The following TANK variants were observed in gnomAD, a reference collection of about 807,000 sequenced individuals.
TANK encodes the protein TRAF family member-associated NF-kappa-B activator.
In TANK, 15 loss-of-function variants were observed where a neutral mutation model predicts 43.6. The observed-to-expected ratio is 0.34, with a 90% confidence interval of 0.23 to 0.53. TANK has a LOEUF of 0.53. Ranked by LOEUF, TANK falls within the 20% of genes least tolerant of loss-of-function variation. TANK has a pLI of 0.94. For synonymous variants in TANK, 162 were observed against 178.2 expected (o/e 0.91, Z 0.73); for missense variants, 417 against 498.6 (o/e 0.84, Z 1.56).
chr2:161,146,235 C>T (rs1480747346), intron 1 of TANK, among the ~76,000 whole-genome samples: 2 of 152,134 alleles, frequency 1.3e-5, no homozygotes, highest in Non-Finnish European at 2.9e-5. Context: ...AGCCTTTTAT[C>T]AAGCTTCTTA....
intron 1 of TANK, among the ~76,000 whole-genome samples, chr2:161,168,060 T>A (rs1376421776): frequency 6.6e-6 from 1 of 152,190 alleles, no homozygotes; most frequent in Non-Finnish European, 1.5e-5. Context: ...TGAGTTTTGG[T>A]ATCTAACGTA....
At chr2:161,179,989 T>C in intron 2 of TANK, 2 of 1,199,176 alleles carry the variant, frequency 1.7e-6, no homozygotes, top group Non-Finnish European at 1.0e-6. Context: ...TTCAGGTGAT[T>C]GTGAAAGATT....
chr2:161,143,657 G>A (rs970356291), intron 1 of TANK, among the ~76,000 whole-genome samples: 1 of 152,108 alleles, frequency 6.6e-6, no homozygotes, highest in South Asian at 2.1e-4. Context: ...GCGTCCCAGG[G>A]ATGAAGCTGA....
In TANK at chr2:161,203,268, G is replaced by C. The variant is rs375503069; in HGVS notation, c.100-219G>C. 3.9e-5 allele frequency among the ~76,000 whole-genome samples: 6 copies of C among 152,056 alleles called. No homozygotes were observed. In the South Asian group the frequency reaches 8.3e-4, roughly 21 times the overall value. On this transcript the variant is annotated intron_variant, in intron 2 of 7. Coordinates refer to ENST00000392749, the MANE Select transcript of TANK (RefSeq NM_001199135.3). Reference sequence around the variant, plus strand: ...CCTTGACTGAAATGTCTTTAAATAAGTTAATCTTTAAAACTTCTGCGGTGC... The same window carrying C: ...CCTTGACTGAAATGTCTTTAAATAACTTAATCTTTAAAACTTCTGCGGTGC...
At chr2:161,227,588 A>G (rs1263051778) in intron 6 of TANK, among the ~76,000 whole-genome samples, 4 of 152,218 alleles carry the variant, frequency 2.6e-5, no homozygotes, top group Admixed American at 2.6e-4. Context: ...ATTAATGTAC[A>G]TACAATTATT....
intron 4 of TANK, among the ~76,000 whole-genome samples, chr2:161,215,387 TAATC>T (rs1687073501): frequency 6.6e-6 from 1 of 152,210 alleles, no homozygotes; most frequent in Admixed American, 6.5e-5. Context: ...ATACATTGGA[TAATC>T]AATTGTCTTA....
chr2:161,204,747 C>A lies in TANK; in HGVS notation c.281C>A (p.Pro94Gln), dbSNP rs201748882. ...AAGAATAATTTGACTCTTGATCAGC[C>A]ACAAGATAAAGTGATTTCAGGAATA... ...TRKNNLTLDQ[P>Q]QDKVISGIAR... is the part of the protein sequence containing the mutation. The change falls in exon 4 of 8, where the codon CCA (proline) becomes CAA (glutamine). Residue 94 changes from proline (P) to glutamine (Q), a missense_variant. Physicochemically the swap from Pro to Gln is moderately conservative, Grantham distance 76 (BLOSUM62 -1). Coordinates refer to ENST00000392749, the MANE Select transcript of TANK (RefSeq NM_001199135.3). The A allele has an allele frequency of 8.6e-5, 138 of 1,606,160 alleles. No homozygotes were observed. Among genetic ancestry groups the A allele is most frequent in the Non-Finnish European group, 1.1e-4 (128 of 1,177,358 alleles).
chr2:161,203,549 T>C lies in TANK; in HGVS notation c.162T>C (p.Ile54=), dbSNP rs765356045. The part of the protein sequence containing the change: ...QQEQLSLQQT[I]IDKLKSQLLL... ...AACAGCTGTCACTTCAACAGACTATTATTGACAAGCTAAAATCTCAGTTAC... is the reference window on the plus strand; with the variant it reads ...AACAGCTGTCACTTCAACAGACTATCATTGACAAGCTAAAATCTCAGTTAC... The change falls in exon 3 of 8, where the codon ATT becomes ATC. Residue 54 remains isoleucine (I), a synonymous_variant. Transcript: ENST00000392749. 1.2e-6 allele frequency: 2 copies of C among 1,612,362 alleles called. No homozygotes were observed. The highest frequency in any genetic ancestry group is 1.1e-5 in the South Asian group (1 of 90,830).
intron 2 of TANK, among the ~76,000 whole-genome samples, chr2:161,189,999 A>T (rs1044649072): frequency 2.0e-5 from 3 of 152,240 alleles, no homozygotes; most frequent in African/African-American, 7.2e-5. Flanking sequence ...CGTCAAAATT[A>T]AAACTTTTGT....
intron 2 of TANK, among the ~76,000 whole-genome samples, chr2:161,196,764 G>A (rs1387290699): frequency 6.6e-6 from 1 of 152,136 alleles, no homozygotes; most frequent in African/African-American, 2.4e-5. Context: ...ACTGAGGCAG[G>A]AGAATCACTT....
upstream of TANK, chr2:161,159,183 T>A (rs1365017413): frequency 6.6e-6 from 1 of 152,202 alleles, no homozygotes; most frequent in African/African-American, 2.4e-5. Flanking sequence ...CCAGCAATCA[T>A]ACTACTTGGT....
At chr2:161,206,225 C>T (rs1223508204) in intron 4 of TANK, among the ~76,000 whole-genome samples, 1 of 151,902 alleles carries the variant, frequency 6.6e-6, no homozygotes, top group Non-Finnish European at 1.5e-5. Context: ...TTATATTGTT[C>T]TCCATGTTTT....
At chr2:161,139,929 A>G in intron 1 of TANK, 1 of 974,592 alleles carries the variant, frequency 1.0e-6, no homozygotes. Context: ...GATTAATCTT[A>G]TATCCAACTT....
intron 1 of TANK, among the ~76,000 whole-genome samples, chr2:161,179,116 A>G (rs1238911985): frequency 6.6e-6 from 1 of 152,146 alleles, no homozygotes; most frequent in Non-Finnish European, 1.5e-5. Context: ...TAAAATAAGA[A>G]CATTTTCACA....
intron 4 of TANK, among the ~76,000 whole-genome samples, chr2:161,216,653 T>A (rs892157911): frequency 1.9e-4 from 29 of 151,752 alleles, no homozygotes; most frequent in African/African-American, 7.0e-4. Context: ...AGGAAAGGCC[T>A]AACCTCAGTT....
At chr2:161,188,644 A>G (rs10181745) in intron 2 of TANK, among the ~76,000 whole-genome samples, 4,900 of 152,298 alleles carry the variant, frequency 0.032, 235 homozygotes, top group African/African-American at 0.11. Context: ...AAAAACTTGA[A>G]CAGTATGTAA....
At chr2:161,225,208 GGA>G (rs1687551011) in intron 6 of TANK, among the ~76,000 whole-genome samples, 1 of 151,976 alleles carries the variant, frequency 6.6e-6, no homozygotes, top group Non-Finnish European at 1.5e-5. Flanking sequence ...CATACACTAT[GGA>G]TAGATGTTTT....
intron 1 of TANK, among the ~76,000 whole-genome samples, chr2:161,145,016 T>A (rs540504667): frequency 1.3e-5 from 2 of 152,232 alleles, no homozygotes; most frequent in African/African-American, 4.8e-5. Context: ...GATGGTTAGC[T>A]CTTCTTGTTG....
At chr2:161,216,835 AC>A (rs1687139799) in intron 4 of TANK, among the ~76,000 whole-genome samples, 1 of 152,228 alleles carries the variant, frequency 6.6e-6, no homozygotes, top group Non-Finnish European at 1.5e-5. Flanking sequence ...ATTCTAGGTC[AC>A]TTGGGAGAAC....
Sources: allele counts gnomAD v4.1 joint callset (sites outside exome capture counted in the v4.1 genomes callset), GRCh38; gene constraint gnomAD v4.1.1; transcripts MANE v1.5; gene names NCBI Gene and HGNC (gene_info 2026-07-23, HGNC 2026-07-21).